The following CEP83 variants were observed in gnomAD, a reference collection of about 807,000 sequenced individuals.
CEP83 encodes the protein centrosomal protein 83.
Under a neutral mutation model 101.9 loss-of-function variants are expected in CEP83, and 70 were observed. The observed-to-expected ratio is 0.69, with a 90% CI of 0.57 to 0.84. The LOEUF (loss-of-function observed/expected upper bound fraction) is 0.84, where lower values mean the gene tolerates loss of function less well. CEP83 is among the 40% of genes least tolerant of loss of function. The pLI, the probability that CEP83 is intolerant of heterozygous loss-of-function variation, is 0.00. For missense variants in CEP83, 715 were observed against 787.2 expected (o/e 0.91, Z 1.10); for synonymous variants, 264 against 267.9 (o/e 0.99, Z 0.14).
Position 94,370,517 on chromosome 12 carries a change from T to C in CEP83, c.934-481A>G, listed in dbSNP as rs556956137. Reference sequence around the variant, plus strand: ...GCATTCCAAGTAGCTGTCAGGACTATAGGTGCACACCACCACACTCAGATA... The same window carrying C: ...GCATTCCAAGTAGCTGTCAGGACTACAGGTGCACACCACCACACTCAGATA... On this transcript the variant is annotated intron_variant, in intron 8 of 16. Transcript: ENST00000397809. Among the ~76,000 whole-genome samples the C allele has an allele frequency of 4.0e-4, 61 of 152,256 alleles. 2 individuals carry two copies. The South Asian group carries it at 0.011, about 28-fold the overall frequency.
intron 2 of CEP83, among the ~76,000 whole-genome samples, chr12:94,428,702 T>C (rs530898159): frequency 6.6e-6 from 1 of 152,336 alleles, no homozygotes; most frequent in African/African-American, 2.4e-5. Context: ...TAAAACCATA[T>C]ACTTTAAAAA....
At chr12:94,307,477 A>ATAT (rs957520661), downstream of CEP83, 50 of 152,322 alleles carry the variant, frequency 3.3e-4, no homozygotes, top group African/African-American at 1.0e-3. Context: ...GTTTCTTTGC[A>ATAT]TATTTTTTTG....
At chr12:94,265,912 T>G in the CEP83 span, among the ~76,000 whole-genome samples, 1 of 152,190 alleles carries the variant, frequency 6.6e-6, no homozygotes, top group African/African-American at 2.4e-5. Context: ...TTTGGGAATT[T>G]CAGAGAGGGA....
At chr12:94,403,995 T>G (rs189325766) in intron 4 of CEP83, among the ~76,000 whole-genome samples, 1 of 152,272 alleles carries the variant, frequency 6.6e-6, no homozygotes, top group African/African-American at 2.4e-5. Flanking sequence ...ATATTACATT[T>G]TACTGAATGG....
At chr12:94,294,892 A>ACAAT in the CEP83 span, among the ~76,000 whole-genome samples, 1 of 152,184 alleles carries the variant, frequency 6.6e-6, no homozygotes, top group African/African-American at 2.4e-5. Flanking sequence ...AAGAGTACAG[A>ACAAT]CAATCATCAC....
intron 11 of CEP83, among the ~76,000 whole-genome samples, chr12:94,366,633 A>C (rs1447551315): frequency 2.0e-5 from 3 of 152,328 alleles, no homozygotes; most frequent in African/African-American, 7.2e-5. Flanking sequence ...GAGAAAAAAT[A>C]AAGAAATAGA....
At chr12:94,295,827 C>T in the CEP83 span, among the ~76,000 whole-genome samples, 1 of 152,144 alleles carries the variant, frequency 6.6e-6, no homozygotes, top group Non-Finnish European at 1.5e-5. Context: ...TCTGTGTTGT[C>T]CATAATGTCT....
At position 94,320,002 on chromosome 12, in the gene CEP83, T is replaced by A. The variant is rs551201667; in HGVS notation, c.1708-6985A>T. Among the ~76,000 whole-genome samples, 52 of 152,356 alleles carry A rather than the reference T, an allele frequency of 3.4e-4. No individual in the cohort carries two copies. In the Middle Eastern group the frequency reaches 0.01, roughly 30 times the overall value. On this transcript the variant is annotated intron_variant, in intron 14 of 16. Coordinates refer to ENST00000397809, the MANE Select transcript of CEP83 (RefSeq NM_016122.3). ...GAGTATAAATCTCTTTGTAGGTCTC[T>A]AAGAACTTGCTTTATGAATCCGGGT...
At chr12:94,426,267 C>T (rs1202181951) in intron 2 of CEP83, among the ~76,000 whole-genome samples, 3 of 152,186 alleles carry the variant, frequency 2.0e-5, no homozygotes, top group Admixed American at 1.3e-4. Context: ...TTTTCCATCT[C>T]TTTGTATTCT....
intron 8 of CEP83, among the ~76,000 whole-genome samples, chr12:94,371,189 AC>A (rs1471009794): frequency 3.3e-5 from 5 of 152,214 alleles, no homozygotes; most frequent in African/African-American, 1.2e-4. Context: ...TATATACCAT[AC>A]AAAAGGGTTG....
intron 1 of CEP83, among the ~76,000 whole-genome samples, chr12:94,436,177 A>G (rs1180625995): frequency 7.2e-5 from 11 of 152,342 alleles, no homozygotes; most frequent in South Asian, 6.2e-4. Context: ...ACGAAGTTTG[A>G]TAACACCCCC....
the CEP83 span, chr12:94,279,615 T>C: frequency 1.2e-6 from 2 of 1,614,238 alleles, no homozygotes; most frequent in Non-Finnish European, 8.5e-7. Flanking sequence ...AAAATGGCTC[T>C]CCTTATGGAC....
chr12:94,316,658 C>A (rs117275701), intron 14 of CEP83, among the ~76,000 whole-genome samples: 1 of 152,002 alleles, frequency 6.6e-6, no homozygotes, highest in Admixed American at 6.6e-5. Context: ...CCACTTATGA[C>A]AATGAAAACA....
At chr12:94,282,406 G>A in the CEP83 span, 47 of 1,582,194 alleles carry the variant, frequency 3.0e-5, no homozygotes, top group Non-Finnish European at 4.0e-5. Flanking sequence ...TATGAGGTAA[G>A]AGCAAGACTT....
chr12:94,398,419 A>G (rs947900163), intron 6 of CEP83, among the ~76,000 whole-genome samples: 1 of 152,064 alleles, frequency 6.6e-6, no homozygotes, highest in Non-Finnish European at 1.5e-5. Context: ...AATTATGAAG[A>G]TTTCATTTTA....
intron 6 of CEP83, among the ~76,000 whole-genome samples, chr12:94,383,086 G>A (rs988548235): frequency 4.6e-5 from 7 of 151,906 alleles, no homozygotes; most frequent in Non-Finnish European, 1.0e-4. Context: ...TTGCTGGGTT[G>A]ACCTCTTTTG....
chr12:94,394,566 C>A (rs994206127), intron 6 of CEP83, among the ~76,000 whole-genome samples: 1 of 152,130 alleles, frequency 6.6e-6, no homozygotes, highest in African/African-American at 2.4e-5. Context: ...TAGGCATGGG[C>A]AAGGACTTCA....
chr12:94,393,471 T>C (rs1472708184), intron 6 of CEP83, among the ~76,000 whole-genome samples: 1 of 152,232 alleles, frequency 6.6e-6, no homozygotes, highest in African/African-American at 2.4e-5. Context: ...TGATGGAACG[T>C]ATCTCAAAAT....
chr12:94,303,661 C>T, downstream of CEP83: 1 of 1,109,426 alleles, frequency 9.0e-7, no homozygotes, highest in Non-Finnish European at 1.2e-6. Flanking sequence ...GGTGGGGGTT[C>T]AGCTACATTG....
Sources: gnomAD v4.1 joint callset for allele counts (sites outside exome capture counted in the v4.1 genomes callset) on GRCh38, gnomAD v4.1.1 for gene constraint, MANE v1.5 for transcripts, NCBI Gene and HGNC (gene_info 2026-07-23, HGNC 2026-07-21) for gene names.